The following WDR76 variants were observed in gnomAD, a reference collection of about 807,000 sequenced individuals.
WDR76 encodes WD repeat domain 76.
In WDR76, 52 loss-of-function variants were observed where a neutral mutation model predicts 70.2. That is an observed-to-expected ratio of 0.74 (90% CI 0.59 to 0.93). WDR76 has a LOEUF of 0.93. WDR76 is among the 40% of genes least tolerant of loss of function. The pLI, the probability that WDR76 is intolerant of heterozygous loss-of-function variation, is 0.00. For synonymous variants in WDR76, 292 were observed against 271.1 expected, an observed-to-expected ratio of 1.08 and a Z score of -0.76; for missense variants, 756 against 760.2, an observed-to-expected ratio of 0.99 and a Z score of 0.07.
intron 4 of WDR76, 102 bp from the exon 5 acceptor site, chr15:43,839,482 TATATATCTATGCAGTTTATAA>T (rs1411331089): frequency 7.9e-6 from 8 of 1,011,560 alleles, no homozygotes. Flanking sequence ...GCCATGTATA[TATATATCTATGCAGTTTATAA>T]ATATATCTGT....
intron 9 of WDR76, among the ~76,000 whole-genome samples, chr15:43,854,641 G>T (rs2087906633): frequency 6.6e-6 from 1 of 152,066 alleles, no homozygotes; most frequent in Non-Finnish European, 1.5e-5. Context: ...GTGTACACAT[G>T]TGTAACTATC....
intron 11 of WDR76, among the ~76,000 whole-genome samples, chr15:43,860,551 C>T (rs551598720): frequency 1.3e-5 from 2 of 152,262 alleles, no homozygotes; most frequent in South Asian, 2.1e-4. Context: ...GTGGCATGAT[C>T]ATGGCTCACT....
chr15:43,854,429 C>T (rs970303896), intron 9 of WDR76, among the ~76,000 whole-genome samples: 2 of 151,078 alleles, frequency 1.3e-5, no homozygotes, highest in African/African-American at 2.4e-5. Context: ...ATTAGCTGGG[C>T]GTGGTAGCAT....
At chr15:43,848,820 C>T (rs1400643469) in intron 8 of WDR76, among the ~76,000 whole-genome samples, 1 of 152,072 alleles carries the variant, frequency 6.6e-6, no homozygotes, top group African/African-American at 2.4e-5. Flanking sequence ...CACCTGTAAT[C>T]CCAGCCACTT....
chr15:43,845,188 A>C (rs923222578), intron 8 of WDR76, among the ~76,000 whole-genome samples: 1 of 149,150 alleles, frequency 6.7e-6, no homozygotes, highest in African/African-American at 2.4e-5. Flanking sequence ...TGACCTCGTG[A>C]TCTGCCTGCC....
At chr15:43,844,171 T>G in intron 8 of WDR76, 117 bp downstream of exon 8, 1 of 826,936 alleles carries the variant, frequency 1.2e-6, no homozygotes, top group Non-Finnish European at 1.7e-6. Flanking sequence ...TTTTGGGCTT[T>G]ATGATGCTTT....
At chr15:43,854,600 A>G (rs1039359340) in intron 9 of WDR76, among the ~76,000 whole-genome samples, 4 of 152,158 alleles carry the variant, frequency 2.6e-5, no homozygotes, top group Admixed American at 2.0e-4. Context: ...TTACCACTTT[A>G]GGTATATAAT....
At chr15:43,834,228 G>A (rs1365160275) in intron 2 of WDR76, among the ~76,000 whole-genome samples, 1 of 151,824 alleles carries the variant, frequency 6.6e-6, no homozygotes, top group Non-Finnish European at 1.5e-5. Flanking sequence ...GGCTTTTTAG[G>A]AGAAAGTAGA....
In WDR76 at chr15:43,842,505, G is replaced by A. The variant is rs2087737271; in HGVS notation, c.823G>A (p.Gly275Arg). 6.2e-7 allele frequency: 1 copy of A among 1,613,710 alleles called. No homozygotes were observed. Among genetic ancestry groups the A allele is most frequent in the South Asian group, 1.1e-5 (1 of 91,032 alleles). Residue 275 changes from glycine (G) to arginine (R), a missense_variant, in exon 6 of 13, where the codon GGA becomes AGA. Gly to Arg is a moderately radical substitution (Grantham distance 125, BLOSUM62 -2). Coordinates refer to ENST00000263795, the MANE Select transcript of WDR76 (RefSeq NM_024908.4). ...TAAAGGATTTCTGCACACATGGGCA[G>A]GAATGAGCAAGGTATCACTTGGGAA... ...RFKGFLHTWA[G>R]MSKPSSKNTE...
At chr15:43,844,590 G>T (rs1457385975) in intron 8 of WDR76, among the ~76,000 whole-genome samples, 3 of 146,620 alleles carry the variant, frequency 2.0e-5, no homozygotes, top group African/African-American at 7.6e-5. Context: ...ATCCAGCCTG[G>T]GTGATAGAGT....
At chr15:43,858,252 T>TG (rs1240409709) in intron 10 of WDR76, among the ~76,000 whole-genome samples, 2 of 150,200 alleles carry the variant, frequency 1.3e-5, no homozygotes, top group Non-Finnish European at 3.0e-5. Context: ...TGTTTTTTTT[T>TG]TTTGTTTGTT....
chr15:43,840,043 G>C (rs1033305582), intron 5 of WDR76, among the ~76,000 whole-genome samples: 3 of 151,982 alleles, frequency 2.0e-5, no homozygotes, highest in Admixed American at 6.6e-5. Flanking sequence ...ATTTTTGGTA[G>C]AGACGGGGTT....
intron 12 of WDR76, chr15:43,864,152 ATAC>A (rs780888786): frequency 1.3e-5 from 2 of 152,224 alleles, no homozygotes; most frequent in Admixed American, 6.5e-5. Flanking sequence ...TTATGTGTAT[ATAC>A]TACGTTTTCT....
chr15:43,846,231 T>G (rs550815669), intron 8 of WDR76, among the ~76,000 whole-genome samples: 1 of 148,772 alleles, frequency 6.7e-6, no homozygotes, highest in South Asian at 2.1e-4. Context: ...TTTAGGAGAT[T>G]AAGGAAGTAT....
In WDR76 at chr15:43,861,402, C is replaced by T. The variant is rs763460026; in HGVS notation, c.1616+16C>T. 6.2e-7 allele frequency: 1 copy of T among 1,605,028 alleles called. No homozygotes were observed. The highest frequency in any genetic ancestry group is 1.1e-5 in the South Asian group (1 of 90,866). Reference sequence around the variant, plus strand: ...CCACCATCAGGTAGGCTTCTATATGCCAAATAATGTAGATGTGGATTACTA... The same window carrying T: ...CCACCATCAGGTAGGCTTCTATATGTCAAATAATGTAGATGTGGATTACTA... On this transcript the variant is annotated intron_variant, in intron 12 of 12. Transcript: ENST00000263795.
chr15:43,828,416 A>G (rs773387744), intron 2 of WDR76, 50 bp downstream of exon 2: 3 of 1,524,644 alleles, frequency 2.0e-6, no homozygotes, highest in Non-Finnish European at 2.6e-6. Flanking sequence ...TTGAAATTTG[A>G]AGTTCTGATA....
chr15:43,853,265 A>G (rs1595449704), intron 9 of WDR76, among the ~76,000 whole-genome samples: 1 of 151,836 alleles, frequency 6.6e-6, no homozygotes. Flanking sequence ...ATCTCGGCTC[A>G]CCGCAGCCTC....
rs1258936822 is a variant in WDR76, at chr15:43,828,145, T to G, written c.241T>G (p.Cys81Gly). 2 of 1,614,134 alleles carry G rather than the reference T, an allele frequency of 1.2e-6. No homozygotes were observed. Among genetic ancestry groups the G allele is most frequent in the Non-Finnish European group, 1.7e-6 (2 of 1,180,026 alleles). ...AAAGAATTCTAACAATGAAGTGGCG[T>G]GTAAGAAGACTAAAATAAAGAAAAC... is the stretch of plus-strand genomic sequence containing the variant. ...SEKNSNNEVA[C>G]KKTKIKKTCR... The change falls in exon 2 of 13, where the codon TGT (cysteine) becomes GGT (glycine). Residue 81 changes from cysteine to glycine, a missense_variant. By Grantham distance (159) the Cys-to-Gly change is radical (BLOSUM62 -3). Coordinates refer to ENST00000263795, the MANE Select transcript of WDR76 (RefSeq NM_024908.4).
Position 43,842,393 on chromosome 15 carries a change from A to C in WDR76, c.733-22A>C, listed in dbSNP as rs1754278454. On this transcript the variant is annotated intron_variant, in intron 5 of 12. Coordinates refer to ENST00000263795, the MANE Select transcript of WDR76 (RefSeq NM_024908.4). ...TTCTAGGGCAGGGAGCCCAACAAAT[A>C]ACTTTTTATTTTTTATAACAGCCTT... 3 of 1,607,774 alleles carry C rather than the reference A, an allele frequency of 1.9e-6. No individual in the cohort carries two copies. The Admixed American group carries it at 5.1e-5, about 27-fold the overall frequency.
Sources: gnomAD v4.1 joint callset for allele counts (sites outside exome capture counted in the v4.1 genomes callset) on GRCh38, gnomAD v4.1.1 for gene constraint, MANE v1.5 for transcripts, NCBI Gene and HGNC (gene_info 2026-07-23, HGNC 2026-07-21) for gene names.